Variants in ABR observed in about 807,000 individuals in gnomAD.
ABR encodes the protein ABR activator of RhoGEF and GTPase, also known as active breakpoint cluster region-related protein.
In ABR, 35 loss-of-function variants were observed where a neutral mutation model predicts 107.2. The observed-to-expected ratio is 0.33, with a 90% CI of 0.25 to 0.43. ABR has a LOEUF of 0.43. ABR is among the 20% of genes least tolerant of loss of function. The pLI, the probability that ABR is intolerant of heterozygous loss-of-function variation, is 1.00. For missense variants in ABR, 815 were observed against 1,115.2 expected (o/e 0.73, Z 3.83); for synonymous variants, 498 against 462.0 (o/e 1.08, Z -1.00).
At position 1,006,140 on chromosome 17, in the gene ABR, G is replaced by A. The variant is rs191116738; in HGVS notation, c.2520C>T (p.His840=). Residue 840 remains histidine (H), a synonymous_variant, in exon 23 of 23, where the codon CAC becomes CAT. Coordinates refer to ENST00000302538, the MANE Select transcript of ABR (RefSeq NM_021962.5). ...TGAGTTCTGCGAAGGAAATGGGGGG[G>A]TGCTGCAGGTAGTAGAGGAGGACCT... ...QVQVLLYYLQ[H]PPISFAELKR... is the part of the protein sequence containing the mutation. 1.9e-5 allele frequency: 30 copies of A among 1,587,244 alleles called. No homozygotes were observed. The highest frequency in any genetic ancestry group is 1.8e-4 in the Admixed American group (10 of 55,884).
At chr17:1,013,552 C>T (rs1465811539) in intron 16 of ABR, among the ~76,000 whole-genome samples, 1 of 152,214 alleles carries the variant, frequency 6.6e-6, no homozygotes, top group East Asian at 1.9e-4. Context: ...CTGAGGCTCA[C>T]AAAAGGTAAG....
chr17:1,219,909 G>A (rs1224755104), intron 1 of ABR, among the ~76,000 whole-genome samples: 7 of 151,742 alleles, frequency 4.6e-5, no homozygotes, highest in East Asian at 3.9e-4. Flanking sequence ...ACGTGACAGC[G>A]TAGGTAAAGC....
At chr17:1,173,009 T>C in intron 1 of ABR, among the ~76,000 whole-genome samples, 1 of 68,782 alleles carries the variant, frequency 1.5e-5, no homozygotes, top group African/African-American at 5.1e-5. Context: ...ACACATCACC[T>C]CAGTCCACCC....
intron 10 of ABR, among the ~76,000 whole-genome samples, chr17:1,066,345 G>T (rs2034737543): frequency 6.6e-6 from 1 of 152,164 alleles, no homozygotes; most frequent in Non-Finnish European, 1.5e-5. Context: ...TTCTGTCAGG[G>T]CACAAGCTTC....
intron 1 of ABR, among the ~76,000 whole-genome samples, chr17:1,177,702 TG>T (rs1202519914): frequency 6.6e-6 from 1 of 152,098 alleles, no homozygotes; most frequent in Admixed American, 6.6e-5. Flanking sequence ...AAACAAGAAC[TG>T]GGTTTTGCAA....
At position 1,070,681 on chromosome 17, in the gene ABR, A is replaced by G. The variant is rs534290658; in HGVS notation, c.895-591T>C. Among the ~76,000 whole-genome samples, 1 of 151,942 alleles carries G rather than the reference A, an allele frequency of 6.6e-6. No individual in the cohort carries two copies. The highest frequency in any genetic ancestry group is 1.9e-4 in the East Asian group (1 of 5,130). On this transcript the variant is annotated intron_variant, in intron 8 of 22. Coordinates refer to ENST00000302538, the MANE Select transcript of ABR (RefSeq NM_021962.5). This position sits in a 1 kb window ranked among gnomAD's most constrained non-coding sequence, Gnocchi z 4.2. ...CCAGCCTGGGACTGCAGCAGTGCCCAGAGGGGACCTGCAGCCAACTCTAAC... is the reference window on the plus strand; with the variant it reads ...CCAGCCTGGGACTGCAGCAGTGCCCGGAGGGGACCTGCAGCCAACTCTAAC...
intron 1 of ABR, among the ~76,000 whole-genome samples, chr17:1,194,760 C>T (rs9747222): frequency 0.036 from 4,522 of 124,354 alleles, 796 homozygotes; most frequent in African/African-American, 0.12. Context: ...TTCAAGCAAT[C>T]CTCCTGCCTC....
In ABR at chr17:1,007,981, TC is replaced by T. The variant is rs1013204854; in HGVS notation, c.2343-670del. 1.3e-4 allele frequency among the ~76,000 whole-genome samples: 20 copies of T among 152,220 alleles called. No homozygotes were observed. The South Asian group carries it at 2.1e-3, about 16-fold the overall frequency. ...TACTTCCAGATGAGCCCGGGGACTG[TC>T]CCCCCGTGCCTGTCCGGAAAGGTCG... On this transcript the variant is annotated intron_variant, in intron 21 of 22. Transcript: ENST00000302538.
At chr17:1,127,770 A>T (rs1567802503) in intron 1 of ABR, among the ~76,000 whole-genome samples, 1 of 152,046 alleles carries the variant, frequency 6.6e-6, no homozygotes, top group Non-Finnish European at 1.5e-5. Flanking sequence ...CACTTGGGAG[A>T]TCGTCCAAGA....
chr17:1,034,454 C>T (rs557622008), intron 16 of ABR, among the ~76,000 whole-genome samples: 3 of 152,194 alleles, frequency 2.0e-5, no homozygotes, highest in Admixed American at 2.0e-4. Flanking sequence ...CTAGGCACCA[C>T]GCCCAGATGG....
rs117696162 is a variant in ABR at position 1,138,408 on chromosome 17, T to G, written c.62-13041A>C. On this transcript the variant is annotated intron_variant, in intron 1 of 22. Transcript: ENST00000302538. ...GGTGTTAGTTACACAAGCAGACATA[T>G]GGAAATATTCACCAAGCTCTATGCT... Among the ~76,000 whole-genome samples the G allele has an allele frequency of 9.9e-5, 15 of 152,262 alleles. No individual in the cohort carries two copies. The East Asian group carries it at 2.9e-3, about 29-fold the overall frequency.
In ABR at chr17:1,077,633, C is replaced by G. The variant is rs556226351; in HGVS notation, c.700+1697G>C. ...GCCCCACACAGCCCCTCCAGCACAG[C>G]CGCCCCTGGGAAGGAGCCCAGGAAA... On this transcript the variant is annotated intron_variant, in intron 6 of 22. Coordinates refer to ENST00000302538, the MANE Select transcript of ABR (RefSeq NM_021962.5). Among the ~76,000 whole-genome samples the G allele has an allele frequency of 2.4e-4, 36 of 152,276 alleles. No homozygotes were observed. In the East Asian group the frequency reaches 3.3e-3, roughly 14 times the overall value.
chr17:1,217,506 T>C (rs964174181), intron 1 of ABR, among the ~76,000 whole-genome samples: 1 of 152,188 alleles, frequency 6.6e-6, no homozygotes, highest in African/African-American at 2.4e-5. Context: ...TATATACATA[T>C]TGACTTATTT....
At chr17:1,228,835 C>G (rs534025267) in exon 1 of ABR, 1 of 151,986 alleles carries the variant, frequency 6.6e-6, no homozygotes, top group South Asian at 2.1e-4. Flanking sequence ...TGCCGGCTGC[C>G]GTCGCTGTCT....
In ABR at chr17:1,026,499, T is replaced by C. The variant is rs534388376; in HGVS notation, c.1792-13335A>G. ...GGCTCAGGAGCTGGTTCCGCTGTCT[T>C]GAAGCGGGACTGGGGAAGTCTCTGT... On this transcript the variant is annotated intron_variant, in intron 16 of 22. Coordinates refer to ENST00000302538, the MANE Select transcript of ABR (RefSeq NM_021962.5). Among the ~76,000 whole-genome samples the C allele has an allele frequency of 5.3e-5, 8 of 152,150 alleles. No individual in the cohort carries two copies. In the East Asian group the frequency reaches 1.6e-3, roughly 30 times the overall value.
intron 16 of ABR, among the ~76,000 whole-genome samples, chr17:1,028,141 A>C (rs187053120): frequency 6.6e-6 from 1 of 151,944 alleles, no homozygotes; most frequent in Non-Finnish European, 1.5e-5. Flanking sequence ...CCCAGGCTGG[A>C]GTGCAGTGGC....
At chr17:1,158,262 T>C (rs1314752470) in intron 1 of ABR, among the ~76,000 whole-genome samples, 1 of 151,916 alleles carries the variant, frequency 6.6e-6, no homozygotes, top group African/African-American at 2.4e-5. Context: ...TTTGTATTTA[T>C]TTATTTTTTT....
chr17:1,146,037 C>T (rs1346888923), intron 1 of ABR, among the ~76,000 whole-genome samples: 1 of 152,204 alleles, frequency 6.6e-6, no homozygotes, highest in African/African-American at 2.4e-5. Context: ...TCCTTCTCCC[C>T]ACTCCCAGCT....
chr17:1,098,077 T>C (rs899348442), intron 3 of ABR, among the ~76,000 whole-genome samples: 2 of 112,394 alleles, frequency 1.8e-5, no homozygotes, highest in African/African-American at 6.0e-5. Flanking sequence ...TTTCTTTTCT[T>C]TTTTTTTTTT....
Sources: gnomAD v4.1 joint callset for allele counts (sites outside exome capture counted in the v4.1 genomes callset) on GRCh38, gnomAD v4.1.1 for gene constraint, Gnocchi (gnomAD v3.1) non-coding constraint, MANE v1.5 for transcripts, NCBI Gene and HGNC (gene_info 2026-07-23, HGNC 2026-07-21) for gene names.